EIF3A: variants seen among roughly 807,000 people sequenced by gnomAD.
EIF3A encodes EIF3, p180 subunit.
EIF3A carries 21 observed loss-of-function variants against 186.6 expected under a neutral mutation model. The observed-to-expected ratio is 0.11, with a 90% CI of 0.08 to 0.16. The LOEUF is 0.16. Ranked by LOEUF, EIF3A falls within the 10% of genes least tolerant of loss-of-function variation. The probability of loss-of-function intolerance (pLI) is 1.00; values close to 1 mark genes in which losing one functional copy is unlikely to be tolerated. For synonymous variants in EIF3A, 563 were observed against 584.3 expected, an observed-to-expected ratio of 0.96 and a Z score of 0.52; for missense variants, 1,306 against 1,796.3, an observed-to-expected ratio of 0.73 and a Z score of 4.93.
intron 12 of EIF3A, 118 bp from the exon 13 acceptor site, chr10:119,057,158 T>C (rs1166831422): frequency 1.6e-6 from 1 of 627,662 alleles, no homozygotes; most frequent in Admixed American, 3.2e-5. Flanking sequence ...TGGGTGATAA[T>C]TTAGGAAATG....
intron 1 of EIF3A, among the ~76,000 whole-genome samples, chr10:119,078,976 A>T (rs1328041808): frequency 1.3e-5 from 2 of 152,184 alleles, no homozygotes; most frequent in African/African-American, 4.8e-5. Context: ...TGGGCAAAGC[A>T]TGCAAATGAC....
intron 4 of EIF3A, 104 bp downstream of exon 4, chr10:119,072,786 A>G: frequency 7.2e-7 from 1 of 1,381,584 alleles, no homozygotes; most frequent in South Asian, 1.4e-5. Context: ...GAATGCCAAC[A>G]TTTCAATAAG....
rs1474290567 is a variant in EIF3A at position 119,080,763 on chromosome 10, G to C, written c.-87C>G. 2 of 1,505,138 alleles carry C rather than the reference G, an allele frequency of 1.3e-6. No homozygotes were observed. Among genetic ancestry groups the C allele is most frequent in the African/African-American group, 2.9e-5 (2 of 68,982 alleles). 93.2% of individuals were successfully genotyped at this position (1,505,138 alleles called of 1,614,324 possible). ...GGAGACGAAGGGGAACCAGCGTAAG[G>C]TCCCACGCGCCTCGCCAGCAGTCGC... On this transcript the variant is annotated 5_prime_UTR_variant, in exon 1 of 22. Transcript: ENST00000369144.
intron 19 of EIF3A, among the ~76,000 whole-genome samples, chr10:119,040,560 G>T (rs1440685440): frequency 6.6e-6 from 1 of 152,232 alleles, no homozygotes; most frequent in African/African-American, 2.4e-5. Flanking sequence ...TCACCTGTGT[G>T]CAGTACGCAG....
intron 18 of EIF3A, among the ~76,000 whole-genome samples, chr10:119,043,649 G>A (rs1848245044): frequency 1.3e-5 from 2 of 151,894 alleles, no homozygotes; most frequent in Non-Finnish European, 2.9e-5. Flanking sequence ...GCCAAGTGCA[G>A]TGGCTCATGC....
chr10:119,038,670 T>C (rs544633559), intron 19 of EIF3A, among the ~76,000 whole-genome samples: 3 of 152,266 alleles, frequency 2.0e-5, no homozygotes, highest in African/African-American at 7.2e-5. Context: ...ACACCTGTAA[T>C]CCCAGCACTT....
At chr10:119,066,486 G>A (rs1283949304) in intron 6 of EIF3A, among the ~76,000 whole-genome samples, 1 of 129,802 alleles carries the variant, frequency 7.7e-6, no homozygotes, top group East Asian at 2.3e-4. Flanking sequence ...TCCAGCCTGG[G>A]GGGCAGAGTT....
chr10:119,042,880 C>A lies in EIF3A; in HGVS notation c.2748-108G>T. 1.8e-6 allele frequency: 2 copies of A among 1,140,484 alleles called. No individual in the cohort carries two copies. The highest frequency in any genetic ancestry group is 1.6e-5 in the South Asian group (1 of 60,764). The allele number at this position is 1,140,484 out of a possible 1,614,324, so 70.6% of individuals were successfully genotyped here. A position where few individuals can be genotyped will look rare whatever the true frequency, so the allele number is the denominator to read the frequency against. The stretch of plus-strand genomic sequence containing the variant: ...TTAAAAACTTCAGTATGGGCCGGAG[C>A]AGTGGCTCGCACCTTTAATCCCAGC... On this transcript the variant is annotated intron_variant, in intron 18 of 21. Coordinates refer to ENST00000369144, the MANE Select transcript of EIF3A (RefSeq NM_003750.4). The surrounding 1 kb of genome is among the most constrained non-coding windows in gnomAD (Gnocchi z 7.8).
Position 119,050,682 on chromosome 10 carries a change from C to T in EIF3A, c.2320-8G>A, listed in dbSNP as rs753154263. On this transcript the variant is annotated splice_polypyrimidine_tract_variant and splice_region_variant and intron_variant, in intron 15 of 21. Transcript: ENST00000369144. Reference sequence around the variant, plus strand: ...AAACTGTTTAAGTTTTTCCTGCAATCGAAGTAACCCCCAACCCAAAAAGGG... The same window carrying T: ...AAACTGTTTAAGTTTTTCCTGCAATTGAAGTAACCCCCAACCCAAAAAGGG... 9.3e-6 allele frequency: 15 copies of T among 1,613,556 alleles called. No homozygotes were observed. The highest frequency in any genetic ancestry group is 1.3e-5 in the African/African-American group (1 of 74,894).
At chr10:119,074,616 TTC>T (rs1844129376) in intron 1 of EIF3A, among the ~76,000 whole-genome samples, 2 of 151,350 alleles carry the variant, frequency 1.3e-5, no homozygotes, top group South Asian at 2.1e-4. Flanking sequence ...CTCTAAAAAA[TTC>T]TTTTTTTTTT....
Position 119,060,813 on chromosome 10 carries a change from T to G in EIF3A, c.1259A>C (p.Lys420Thr), listed in dbSNP as rs1843872452. 6.2e-7 allele frequency: 1 copy of G among 1,611,408 alleles called. No homozygotes were observed. The highest frequency in any genetic ancestry group is 1.3e-5 in the African/African-American group (1 of 74,836). The change falls in exon 9 of 22, where the codon AAG (lysine) becomes ACG (threonine). Residue 420 changes from lysine to threonine, a missense_variant. Coordinates refer to ENST00000369144, the MANE Select transcript of EIF3A (RefSeq NM_003750.4). ...VLNWVREQPE[K>T]EPELQQYVPQ... ...CACATACTGCTGCAATTCCGGTTCC[T>G]TTTCAGGTTGTTCCCTAACCCAATT...
At position 119,037,279 on chromosome 10, in the gene EIF3A, A is replaced by G. The variant is rs1848145788; in HGVS notation, c.3759T>C (p.Ala1253=). ...RDEGGWRRGP[A]EESSSWRDSS... is the part of the protein sequence containing the mutation. ...AGTCTCTCCAGCTTGAAGATTCCTC[A>G]GCTGGTCCTCTTCTCCAGCCACCTT... Residue 1253 remains alanine, a synonymous_variant, in exon 21 of 22, where the codon GCT becomes GCC. Coordinates refer to ENST00000369144, the MANE Select transcript of EIF3A (RefSeq NM_003750.4). 8.7e-6 allele frequency: 14 copies of G among 1,613,914 alleles called. No homozygotes were observed. Among genetic ancestry groups the G allele is most frequent in the Non-Finnish European group, 1.2e-5 (14 of 1,180,000 alleles).
At chr10:119,047,456 G>GCCCCT (rs1848295551) in intron 17 of EIF3A, among the ~76,000 whole-genome samples, 1 of 152,174 alleles carries the variant, frequency 6.6e-6, no homozygotes, top group African/African-American at 2.4e-5. Flanking sequence ...AAAAGGGAAG[G>GCCCCT]TGTGTGTGGG....
At chr10:119,079,397 A>G (rs1844226846) in intron 1 of EIF3A, among the ~76,000 whole-genome samples, 1 of 152,214 alleles carries the variant, frequency 6.6e-6, no homozygotes, top group African/African-American at 2.4e-5. Flanking sequence ...TGCTGACTCA[A>G]ACTGCCATTT....
At chr10:119,052,368 T>TTTTGTGTGTGTGTGTGTGTGTGTG (rs140398720) in intron 14 of EIF3A, among the ~76,000 whole-genome samples, 1 of 123,062 alleles carries the variant, frequency 8.1e-6, no homozygotes, top group African/African-American at 2.9e-5. Flanking sequence ...TTTTTTGGTT[T>TTTTGTGTGTGTGTGTGTGTGTGTG]TGTGTGTGTG....
intron 3 of EIF3A, 143 bp downstream of exon 3, chr10:119,073,295 AAAT>A: frequency 1.4e-6 from 1 of 702,768 alleles, no homozygotes; most frequent in South Asian, 2.1e-5. Flanking sequence ...TTACCTACAT[AAAT>A]TAACTGGTTA....
intron 1 of EIF3A, among the ~76,000 whole-genome samples, chr10:119,078,622 C>A (rs924008519): frequency 2.0e-5 from 3 of 152,088 alleles, no homozygotes; most frequent in African/African-American, 4.8e-5. Flanking sequence ...CTGAAGGGAA[C>A]GCATGCATCC....
chr10:119,052,714 A>C (rs1422306116), intron 14 of EIF3A, among the ~76,000 whole-genome samples: 1 of 152,060 alleles, frequency 6.6e-6, no homozygotes, highest in Non-Finnish European at 1.5e-5. Flanking sequence ...TTTTCACCAC[A>C]TCTGCAATTA....
intron 11 of EIF3A, among the ~76,000 whole-genome samples, chr10:119,058,654 G>A (rs78471745): frequency 0.042 from 6,351 of 152,284 alleles, 404 homozygotes; most frequent in African/African-American, 0.13. Context: ...AGGCCAAGGC[G>A]GGTGGATCAC....
Sources: allele counts gnomAD v4.1 joint callset (sites outside exome capture counted in the v4.1 genomes callset), GRCh38; gene constraint gnomAD v4.1.1; non-coding constraint Gnocchi (gnomAD v3.1); transcripts MANE v1.5; gene names NCBI Gene and HGNC (gene_info 2026-07-23, HGNC 2026-07-21).